Variants in KLF12 observed in about 807,000 individuals in gnomAD.
KLF12 encodes Krueppel-like factor 12.
KLF12 carries 9 observed loss-of-function variants against 37.8 expected under a neutral mutation model. The ratio of observed to expected loss-of-function variants is 0.24; its 90% CI spans 0.14 to 0.42. KLF12 has a LOEUF of 0.42. KLF12 is among the 10% of genes least tolerant of loss of function. KLF12 has a pLI of 1.00. For missense variants in KLF12, 411 were observed against 516.0 expected, an observed-to-expected ratio of 0.80 and a Z score of 1.97; for synonymous variants, 208 against 202.1, an observed-to-expected ratio of 1.03 and a Z score of -0.25.
At chr13:73,766,775 A>G (rs1879942502) in intron 5 of KLF12, among the ~76,000 whole-genome samples, 1 of 152,248 alleles carries the variant, frequency 6.6e-6, no homozygotes, top group Admixed American at 6.5e-5. Context: ...GTGAAGTTTA[A>G]TGACAGAAGT....
At chr13:73,855,318 T>A (rs1373595127) in intron 3 of KLF12, among the ~76,000 whole-genome samples, 2 of 152,132 alleles carry the variant, frequency 1.3e-5, no homozygotes, top group Non-Finnish European at 2.9e-5. Flanking sequence ...TTAGCTCCCA[T>A]GTATAAGTGA....
the KLF12 span, among the ~76,000 whole-genome samples, chr13:74,229,675 G>C: frequency 9.2e-5 from 14 of 152,116 alleles, no homozygotes; most frequent in African/African-American, 2.4e-4. Flanking sequence ...GAAGGTAACT[G>C]TTCCTTTCCA....
At chr13:73,754,174 T>A (rs933453805) in intron 6 of KLF12, among the ~76,000 whole-genome samples, 1 of 151,882 alleles carries the variant, frequency 6.6e-6, no homozygotes. Flanking sequence ...AAAGAGAGAG[T>A]AGCAAGCCAA....
At chr13:73,984,966 C>A (rs867963143) in intron 2 of KLF12, among the ~76,000 whole-genome samples, 8 of 152,266 alleles carry the variant, frequency 5.3e-5, no homozygotes, top group Middle Eastern at 3.4e-3. Flanking sequence ...CCTGGATGAA[C>A]AGAATATGGG....
At chr13:74,199,741 T>A in the KLF12 span, among the ~76,000 whole-genome samples, 10 of 152,324 alleles carry the variant, frequency 6.6e-5, no homozygotes, top group Middle Eastern at 3.4e-3. Context: ...TAGAAAGTTC[T>A]CCAAGTCATG....
At chr13:73,844,176 TATAAG>T (rs1426338192) in intron 4 of KLF12, among the ~76,000 whole-genome samples, 4 of 152,198 alleles carry the variant, frequency 2.6e-5, no homozygotes, top group Non-Finnish European at 5.9e-5. Context: ...TGTACACATA[TATAAG>T]ATAATATGCA....
At position 73,948,387 on chromosome 13, in the gene KLF12, T is replaced by G. The variant is rs559437468; in HGVS notation, c.34-4317A>C. On this transcript the variant is annotated intron_variant, in intron 2 of 7. Transcript: ENST00000377669. ...CAGGCATGCGCCACCACGCCTAATT[T>G]TTTCTATTTTTTGTAGAGACGGGGT... Among the ~76,000 whole-genome samples, 186 of 152,192 alleles carry G rather than the reference T, an allele frequency of 1.2e-3. 1 individual carries two copies. The highest frequency in any genetic ancestry group is 4.2e-3 in the African/African-American group (174 of 41,516).
intron 1 of KLF12, among the ~76,000 whole-genome samples, chr13:74,005,951 C>T (rs532510377): frequency 6.6e-6 from 1 of 152,284 alleles, no homozygotes; most frequent in South Asian, 2.1e-4. Flanking sequence ...TTTGATCTGG[C>T]TCAGGGTGCT....
At chr13:74,247,052 A>C in the KLF12 span, among the ~76,000 whole-genome samples, 1 of 152,348 alleles carries the variant, frequency 6.6e-6, no homozygotes, top group Non-Finnish European at 1.5e-5. Flanking sequence ...AAACGATCTT[A>C]TTGTACTAAT....
chr13:74,208,311 A>G, the KLF12 span, among the ~76,000 whole-genome samples: 2 of 152,294 alleles, frequency 1.3e-5, no homozygotes, highest in East Asian at 1.9e-4. Context: ...TTGTAACATG[A>G]TCTTATAAAC....
chr13:74,188,032 T>C, the KLF12 span, among the ~76,000 whole-genome samples: 9 of 152,350 alleles, frequency 5.9e-5, no homozygotes, highest in African/African-American at 1.9e-4. Context: ...AGACATTTGT[T>C]CTTATTATGT....
At chr13:73,819,073 C>G (rs1883388219) in intron 4 of KLF12, among the ~76,000 whole-genome samples, 1 of 152,194 alleles carries the variant, frequency 6.6e-6, no homozygotes, top group Non-Finnish European at 1.5e-5. Flanking sequence ...TCCTCCAACA[C>G]ATTCTATGCA....
intron 6 of KLF12, among the ~76,000 whole-genome samples, chr13:73,720,907 G>A (rs1054485892): frequency 2.0e-5 from 3 of 152,122 alleles, no homozygotes; most frequent in African/African-American, 7.2e-5. Context: ...AAAAGGCCAG[G>A]ACAATCTTTC....
intron 1 of KLF12, among the ~76,000 whole-genome samples, chr13:74,113,107 G>A (rs895080259): frequency 7.9e-5 from 12 of 152,172 alleles, no homozygotes; most frequent in Non-Finnish European, 1.3e-4. Flanking sequence ...CAAGGGAGGT[G>A]AGAAAGTTGC....
chr13:74,231,034 C>CTT, the KLF12 span, among the ~76,000 whole-genome samples: 25 of 144,680 alleles, frequency 1.7e-4, no homozygotes, highest in African/African-American at 5.7e-4. Context: ...AAGCTGCTAC[C>CTT]TTTTTTTTTT....
the KLF12 span, among the ~76,000 whole-genome samples, chr13:74,200,499 C>T: frequency 1.3e-5 from 2 of 152,012 alleles, no homozygotes; most frequent in African/African-American, 4.8e-5. Context: ...AAATTTTGTT[C>T]TAGGAATTAG....
At chr13:74,256,426 A>G in the KLF12 span, among the ~76,000 whole-genome samples, 1 of 152,236 alleles carries the variant, frequency 6.6e-6, no homozygotes, top group Non-Finnish European at 1.5e-5. Flanking sequence ...ATTGTTGTGA[A>G]GATGAAAAGT....
At chr13:73,845,745 T>C (rs904194690) in intron 4 of KLF12, 82 bp downstream of exon 4, 3 of 1,235,114 alleles carry the variant, frequency 2.4e-6, no homozygotes, top group Non-Finnish European at 3.5e-6. Flanking sequence ...GTAGTGTTTG[T>C]ATACAATTTA....
intron 1 of KLF12, among the ~76,000 whole-genome samples, chr13:74,035,626 C>A (rs866487696): frequency 1.3e-5 from 2 of 152,242 alleles, no homozygotes; most frequent in Middle Eastern, 3.4e-3. Flanking sequence ...CTTTCTCTCA[C>A]AAATTTTTAG....
Sources: allele counts gnomAD v4.1 joint callset (sites outside exome capture counted in the v4.1 genomes callset), GRCh38; gene constraint gnomAD v4.1.1; transcripts MANE v1.5; gene names NCBI Gene and HGNC (gene_info 2026-07-23, HGNC 2026-07-21).